SLC9B1: variants seen among roughly 807,000 people sequenced by gnomAD.
SLC9B1 encodes the protein solute carrier family 9 member B1, also known as sodium/hydrogen exchanger 9B1.
SLC9B1 carries 32 observed loss-of-function variants against 51.7 expected under a neutral mutation model. The observed-to-expected ratio is 0.62, with a 90% confidence interval of 0.47 to 0.83. The LOEUF (loss-of-function observed/expected upper bound fraction) is 0.83. SLC9B1 is among the 40% of genes least tolerant of loss of function. The pLI is 0.00. For synonymous variants in SLC9B1, 145 were observed against 212.7 expected (o/e 0.68, Z 2.77); for missense variants, 406 against 613.2 (o/e 0.66, Z 3.57).
chr4:103,008,507 G>T (rs907332669), intron 1 of SLC9B1, among the ~76,000 whole-genome samples: 7 of 151,416 alleles, frequency 4.6e-5, no homozygotes, highest in African/African-American at 1.5e-4. Flanking sequence ...TCCGCCTCCC[G>T]AGTAGCTGGG....
exon 12 of SLC9B1, chr4:102,885,153 AG>A (rs1553969848): frequency 9.6e-6 from 3 of 312,442 alleles, no homozygotes; most frequent in African/African-American, 1.5e-4. Context: ...GGATGAAACT[AG>A]ACATGCTATT....
intron 1 of SLC9B1, among the ~76,000 whole-genome samples, chr4:102,997,764 T>C (rs1244520830): frequency 6.6e-6 from 1 of 152,186 alleles, no homozygotes; most frequent in African/African-American, 2.4e-5. Context: ...TGGCGATAAA[T>C]TCCTTATTTC....
intron 7 of SLC9B1, among the ~76,000 whole-genome samples, chr4:102,923,184 T>A (rs541103841): frequency 3.3e-5 from 5 of 152,240 alleles, no homozygotes; most frequent in African/African-American, 1.2e-4. Context: ...ACAAACTGAA[T>A]CCAGCAGCAC....
chr4:102,913,915 T>C (rs1735465981), intron 7 of SLC9B1, among the ~76,000 whole-genome samples: 1 of 151,858 alleles, frequency 6.6e-6, no homozygotes, highest in Non-Finnish European at 1.5e-5. Context: ...GCCCAATGGG[T>C]TCACCTTGTG....
chr4:102,886,231 G>A (rs1733906957), intron 11 of SLC9B1, among the ~76,000 whole-genome samples: 1 of 152,194 alleles, frequency 6.6e-6, no homozygotes, highest in Non-Finnish European at 1.5e-5. Context: ...GCTCACGCCT[G>A]TAATCCCAGC....
At chr4:102,922,319 A>G (rs1026675982) in intron 7 of SLC9B1, among the ~76,000 whole-genome samples, 9 of 152,244 alleles carry the variant, frequency 5.9e-5, no homozygotes, top group African/African-American at 1.9e-4. Context: ...TACTGGGTAA[A>G]TAACAAAATG....
At chr4:103,012,083 T>C (rs1227433019) in intron 1 of SLC9B1, among the ~76,000 whole-genome samples, 1 of 152,268 alleles carries the variant, frequency 6.6e-6, no homozygotes, top group African/African-American at 2.4e-5. Flanking sequence ...ATTCTTTAAG[T>C]TCTGCTTCCT....
intron 9 of SLC9B1, among the ~76,000 whole-genome samples, chr4:102,908,126 G>A (rs1735143664): frequency 6.6e-6 from 1 of 152,302 alleles, no homozygotes; most frequent in Non-Finnish European, 1.5e-5. Context: ...ATTAGATTTT[G>A]ACACATAAAA....
intron 1 of SLC9B1, among the ~76,000 whole-genome samples, chr4:103,007,357 A>C (rs1372165927): frequency 1.3e-5 from 2 of 152,186 alleles, no homozygotes; most frequent in African/African-American, 4.8e-5. Flanking sequence ...ATCAAGAACA[A>C]GATTCCATAT....
At chr4:102,969,594 G>A (rs1367348959) in intron 3 of SLC9B1, among the ~76,000 whole-genome samples, 1 of 152,156 alleles carries the variant, frequency 6.6e-6, no homozygotes, top group Non-Finnish European at 1.5e-5. Flanking sequence ...CAAAGGATCG[G>A]AGCTCCTCGC....
chr4:102,939,001 G>C (rs191790831), intron 6 of SLC9B1, among the ~76,000 whole-genome samples: 2 of 152,000 alleles, frequency 1.3e-5, no homozygotes, highest in Admixed American at 1.3e-4. Flanking sequence ...CCCAAAGCTA[G>C]CAGAAGAAAA....
chr4:102,898,381 C>G (rs1273221813), downstream of SLC9B1: 2 of 246,800 alleles, frequency 8.1e-6, no homozygotes, highest in Non-Finnish European at 1.6e-5. Context: ...ACATACCAAG[C>G]AAACGTCAGA....
At chr4:102,886,366 C>A (rs1733917321) in intron 11 of SLC9B1, among the ~76,000 whole-genome samples, 1 of 151,946 alleles carries the variant, frequency 6.6e-6, no homozygotes, top group African/African-American at 2.4e-5. Context: ...TGGCATGCAC[C>A]TGTAGTCCCA....
intron 3 of SLC9B1, among the ~76,000 whole-genome samples, 156 bp downstream of exon 3, chr4:102,989,644 G>A (rs1739842410): frequency 6.6e-6 from 1 of 151,874 alleles, no homozygotes; most frequent in Non-Finnish European, 1.5e-5. Context: ...AAAGATTCAA[G>A]AAAATATTTC....
chr4:102,930,422 T>TA (rs1346603058), intron 7 of SLC9B1, among the ~76,000 whole-genome samples: 2 of 152,038 alleles, frequency 1.3e-5, no homozygotes, highest in Admixed American at 6.6e-5. Context: ...TTTTTTAAAT[T>TA]AAAAAAAAAT....
intron 3 of SLC9B1, among the ~76,000 whole-genome samples, chr4:102,972,837 T>TG (rs1382308722): frequency 1.5e-4 from 23 of 152,206 alleles, no homozygotes; most frequent in African/African-American, 5.5e-4. Flanking sequence ...AACCATAAGT[T>TG]GGAGACAAAT....
intron 3 of SLC9B1, among the ~76,000 whole-genome samples, chr4:102,954,037 C>A (rs1213897038): frequency 2.2e-5 from 1 of 45,678 alleles, no homozygotes. Context: ...AGAGGGCATC[C>A]CTGTCTTGTG....
intron 1 of SLC9B1, among the ~76,000 whole-genome samples, chr4:103,011,883 C>A (rs1741103517): frequency 6.6e-6 from 1 of 152,156 alleles, no homozygotes; most frequent in Non-Finnish European, 1.5e-5. Context: ...GCACTCTGAG[C>A]CTGTGATAAG....
At chr4:102,889,202 TC>T (rs1302703742) in intron 11 of SLC9B1, 2 of 152,256 alleles carry the variant, frequency 1.3e-5, no homozygotes, top group Non-Finnish European at 1.5e-5. Flanking sequence ...AATTGTTCTT[TC>T]CTCACATGTC....
Sources: allele counts gnomAD v4.1 joint callset (sites outside exome capture counted in the v4.1 genomes callset), GRCh38; gene constraint gnomAD v4.1.1; transcripts MANE v1.5; gene names NCBI Gene and HGNC (gene_info 2026-07-23, HGNC 2026-07-21).